Variants in ETFRF1 observed in about 807,000 individuals in gnomAD.
The protein encoded by ETFRF1 is LYR motif containing 5.
In ETFRF1, 12 loss-of-function variants were observed where a neutral mutation model predicts 9.0. The ratio of observed to expected loss-of-function variants is 1.34; its 90% CI spans 0.86 to 2.16. ETFRF1 has a LOEUF of 2.16. Ranked by LOEUF, ETFRF1 falls within the 30% of genes most tolerant of loss-of-function variation. The probability of loss-of-function intolerance (pLI) is 0.00; values close to 1 mark genes in which losing one functional copy is unlikely to be tolerated. For missense variants in ETFRF1, 98 were observed against 101.8 expected, an observed-to-expected ratio of 0.96 and a Z score of 0.16; for synonymous variants, 34 against 33.2, an observed-to-expected ratio of 1.02 and a Z score of -0.08.
At chr12:25,202,959 CA>C (rs1412601149) in intron 1 of ETFRF1, among the ~76,000 whole-genome samples, 2 of 152,144 alleles carry the variant, frequency 1.3e-5, no homozygotes, top group Admixed American at 1.3e-4. Flanking sequence ...GTGACAGTCC[CA>C]TGGTGATTAG....
At chr12:25,203,793 C>T (rs532641467) in intron 1 of ETFRF1, 127 bp from the exon 2 acceptor site, 22 of 549,412 alleles carry the variant, frequency 4.0e-5, no homozygotes, top group Admixed American at 3.6e-4. Context: ...GTACGTGGAA[C>T]GAAAAAGTTA....
At chr12:25,195,863 G>A (rs1232848803) in intron 1 of ETFRF1, 1 of 152,124 alleles carries the variant, frequency 6.6e-6, no homozygotes, top group Non-Finnish European at 1.5e-5. Context: ...ACAACCTTTA[G>A]AATTTCAGTC....
At position 25,204,742 on chromosome 12, in the gene ETFRF1, G is replaced by C. The variant is rs1383993684; in HGVS notation, c.*430G>C. ...AATCCCTTATTTTTTCACCCAATTT[G>C]GTATATTAACAGCACATACTCAAGG... On this transcript the variant is annotated 3_prime_UTR_variant, in exon 3 of 3. Transcript: ENST00000381356. 5.4e-6 allele frequency: 1 copy of C among 184,100 alleles called. No homozygotes were observed. The highest frequency in any genetic ancestry group is 9.0e-5 in the East Asian group (1 of 11,146). The allele number at this position is 184,100 out of a possible 1,614,324, so 11.4% of individuals were successfully genotyped here.
intron 1 of ETFRF1, among the ~76,000 whole-genome samples, chr12:25,198,487 AG>A (rs1377985276): frequency 2.6e-5 from 4 of 152,170 alleles, no homozygotes; most frequent in African/African-American, 9.7e-5. Context: ...TAGACAGAAA[AG>A]AATGACCAGA....
chr12:25,199,163 T>C (rs1361538935), intron 1 of ETFRF1, among the ~76,000 whole-genome samples: 1 of 150,956 alleles, frequency 6.6e-6, no homozygotes, highest in Non-Finnish European at 1.5e-5. Context: ...TGCATATTTA[T>C]AGATATATAT....
chr12:25,197,834 GGAAGTTTAAAGAAT>G (rs1276800916), intron 1 of ETFRF1, among the ~76,000 whole-genome samples: 1 of 152,068 alleles, frequency 6.6e-6, no homozygotes, highest in Non-Finnish European at 1.5e-5. Flanking sequence ...AGAAAAAAAA[GGAAGTTTAAAGAAT>G]GAAGTAGTTA....
Position 25,204,118 on chromosome 12 carries a change from A to T in ETFRF1, c.79A>T (p.Lys27Ter), listed in dbSNP as rs1951103004. The T allele has an allele frequency of 1.9e-6, 3 of 1,597,838 alleles. No individual in the cohort carries two copies. Among genetic ancestry groups the T allele is most frequent in the Non-Finnish European group, 2.6e-6 (3 of 1,170,752 alleles). Residue 27 changes from lysine (K) to a stop codon, truncating the protein, a stop_gained, in exon 3 of 3, where the codon AAA (lysine) becomes TAA (stop). Coordinates refer to ENST00000381356, the MANE Select transcript of ETFRF1 (RefSeq NM_001001660.3). LOFTEE classifies it high-confidence loss of function. ...NLLYLGRDYP[K>*]GADYFKKRLK... Reference sequence around the variant, plus strand: ...GCTGTATCTTGGACGAGACTATCCAAAAGGAGCAGACTATTTTAAAAAGCG... The same window carrying T: ...GCTGTATCTTGGACGAGACTATCCATAAGGAGCAGACTATTTTAAAAAGCG...
chr12:25,196,477 A>G (rs1001837381), intron 1 of ETFRF1, among the ~76,000 whole-genome samples: 1 of 152,206 alleles, frequency 6.6e-6, no homozygotes, highest in African/African-American at 2.4e-5. Context: ...TATCTACCCC[A>G]TGGGGAACAA....
In ETFRF1 at chr12:25,195,327, C is replaced by G. The variant is rs1318864931; in HGVS notation, c.-48C>G. ...GCGGTCGAGGCTTTTGCGGCTCCGGCGTGCCGGAAAGTGCGTGAGTGCCGC... is the reference window on the plus strand; with the variant it reads ...GCGGTCGAGGCTTTTGCGGCTCCGGGGTGCCGGAAAGTGCGTGAGTGCCGC... On this transcript the variant is annotated 5_prime_UTR_variant, in exon 1 of 3. Transcript: ENST00000381356. 1.7e-6 allele frequency: 1 copy of G among 601,472 alleles called. No individual in the cohort carries two copies. The highest frequency in any genetic ancestry group is 1.9e-5 in the African/African-American group (1 of 53,846). 37.3% of individuals were successfully genotyped at this position (601,472 alleles called of 1,614,324 possible). A position where few individuals can be genotyped will look rare whatever the true frequency, so the allele number is the denominator to read the frequency against.
Position 25,204,129 on chromosome 12 carries a change from C to A in ETFRF1, c.90C>A (p.Asp30Glu). Residue 30 changes from aspartate to glutamate, a missense_variant, in exon 3 of 3, where the codon GAC (aspartate) becomes GAA (glutamate). Physicochemically the swap from Asp to Glu is conservative, Grantham distance 45 (BLOSUM62 2). Coordinates refer to ENST00000381356, the MANE Select transcript of ETFRF1 (RefSeq NM_001001660.3). The stretch of plus-strand genomic sequence containing the variant: ...GACGAGACTATCCAAAAGGAGCAGA[C>A]TATTTTAAAAAGCGTTTGAAGAACA... ...YLGRDYPKGADYFKKRLKNIF... is the reference protein window; with the variant it reads ...YLGRDYPKGAEYFKKRLKNIF... 3.7e-6 allele frequency: 6 copies of A among 1,604,802 alleles called. No individual in the cohort carries two copies. Among genetic ancestry groups the A allele is most frequent in the Non-Finnish European group, 4.3e-6 (5 of 1,174,780 alleles).
chr12:25,196,142 G>A (rs1381265127), intron 1 of ETFRF1: 1 of 152,156 alleles, frequency 6.6e-6, no homozygotes, highest in Admixed American at 6.5e-5. Context: ...GTCTTTGTGG[G>A]TTAAAGTGTT....
At chr12:25,200,944 C>T (rs1951069312) in intron 1 of ETFRF1, among the ~76,000 whole-genome samples, 1 of 152,210 alleles carries the variant, frequency 6.6e-6, no homozygotes, top group Admixed American at 6.5e-5. Flanking sequence ...ACTAAGATCC[C>T]TGCTGCCATT....
rs74073341 is a variant in ETFRF1 at position 25,198,961 on chromosome 12, C to T, written c.-38+3624C>T. On this transcript the variant is annotated intron_variant, in intron 1 of 2. Transcript: ENST00000381356. ...CAGGTAGAGTCACCTATCCTACCCA[C>T]GAATTGGCAGCCTTGTGGTTTAGAT... Among the ~76,000 whole-genome samples, 640 of 152,242 alleles carry T rather than the reference C, an allele frequency of 4.2e-3. 9 individuals carry two copies. The highest frequency in any genetic ancestry group is 0.015 in the African/African-American group (614 of 41,530).
rs746555590 is a variant in ETFRF1, at chr12:25,199,193, ATATAG to A, written c.-38+3861_-38+3865del. Among the ~76,000 whole-genome samples the A allele has an allele frequency of 1.1e-3, 167 of 149,896 alleles. 2 individuals carry two copies. Among genetic ancestry groups the A allele is most frequent in the Middle Eastern group, 0.011 (3 of 280 alleles). ...ATATATGTGCTATAATATATACTAC[ATATAG>A]TATAATATATAGTATACATATTTTT... On this transcript the variant is annotated intron_variant, in intron 1 of 2. Transcript: ENST00000381356.
chr12:25,200,497 GGA>G (rs1317155159), intron 1 of ETFRF1, among the ~76,000 whole-genome samples: 3 of 152,052 alleles, frequency 2.0e-5, no homozygotes, highest in Non-Finnish European at 2.9e-5. Context: ...AAGTTTCTGG[GGA>G]GAGAGAGAAA....
chr12:25,200,460 T>C lies in ETFRF1; in HGVS notation c.-37-3460T>C, dbSNP rs74073343. Among the ~76,000 whole-genome samples, 525 of 152,228 alleles carry C rather than the reference T, an allele frequency of 3.4e-3. 8 individuals carry two copies. Among genetic ancestry groups the C allele is most frequent in the African/African-American group, 0.012 (506 of 41,542 alleles). ...CCATTATCAACACATCACTAACATT[T>C]CAAAATCTTCATGGAGAAGATTCTG... On this transcript the variant is annotated intron_variant, in intron 1 of 2. Coordinates refer to ENST00000381356, the MANE Select transcript of ETFRF1 (RefSeq NM_001001660.3).
intron 1 of ETFRF1, among the ~76,000 whole-genome samples, chr12:25,200,871 T>G (rs767536663): frequency 6.6e-6 from 1 of 152,168 alleles, no homozygotes; most frequent in Non-Finnish European, 1.5e-5. Context: ...CAGTTGTGCT[T>G]CTTGATGTAG....
At chr12:25,195,551 G>A (rs1592780515) in intron 1 of ETFRF1, 2 of 227,146 alleles carry the variant, frequency 8.8e-6, no homozygotes, top group African/African-American at 2.3e-5. Context: ...GCGGACACCC[G>A]GTGGGAGGCC....
chr12:25,201,154 T>C (rs2141469598), intron 1 of ETFRF1, among the ~76,000 whole-genome samples: 1 of 152,322 alleles, frequency 6.6e-6, no homozygotes, highest in East Asian at 1.9e-4. Context: ...GTTGGTGAGC[T>C]TAAAGCAGAA....
Sources: allele counts gnomAD v4.1 joint callset (sites outside exome capture counted in the v4.1 genomes callset), GRCh38; gene constraint gnomAD v4.1.1; transcripts MANE v1.5; gene names NCBI Gene and HGNC (gene_info 2026-07-23, HGNC 2026-07-21).